Variants in LRP1B observed in about 807,000 individuals in gnomAD.
LRP1B encodes LDL receptor related protein 1B.
Under a neutral mutation model 556.6 loss-of-function variants are expected in LRP1B, and 217 were observed. The observed-to-expected ratio is 0.39, with a 90% CI of 0.35 to 0.44. LRP1B has a LOEUF of 0.44. LRP1B is among the 20% of genes least tolerant of loss of function. The pLI, the probability that LRP1B is intolerant of heterozygous loss-of-function variation, is 1.00. For missense variants in LRP1B, 5,053 were observed against 5,620.8 expected (o/e 0.90, Z 3.23); for synonymous variants, 2,047 against 1,865.8 (o/e 1.10, Z -2.50).
At chr2:142,081,929 G>A (rs912865721) in intron 1 of LRP1B, among the ~76,000 whole-genome samples, 3 of 152,158 alleles carry the variant, frequency 2.0e-5, no homozygotes, top group African/African-American at 7.2e-5. Flanking sequence ...ACCTGGAAAA[G>A]GTTAAGTAAC....
intron 41 of LRP1B, among the ~76,000 whole-genome samples, chr2:140,692,232 T>C (rs1209047489): frequency 6.6e-6 from 1 of 152,170 alleles, no homozygotes; most frequent in Non-Finnish European, 1.5e-5. Context: ...TAGTTTTCAA[T>C]ATCACATCAA....
chr2:140,613,272 T>C (rs1683131470), intron 41 of LRP1B, among the ~76,000 whole-genome samples: 1 of 144,144 alleles, frequency 6.9e-6, no homozygotes, highest in Non-Finnish European at 1.5e-5. Flanking sequence ...TTATATATAA[T>C]TATATACAAG....
chr2:140,620,329 A>C (rs1683406179), intron 41 of LRP1B, among the ~76,000 whole-genome samples: 1 of 152,190 alleles, frequency 6.6e-6, no homozygotes. Context: ...ATTAAGTTGA[A>C]ATTTGCTTAG....
In LRP1B at chr2:140,926,043, A is replaced by G. The variant is rs533929450; in HGVS notation, c.3137-2896T>C. Among the ~76,000 whole-genome samples the G allele has an allele frequency of 2.4e-4, 33 of 139,120 alleles. No homozygotes were observed. In the East Asian group the frequency reaches 7.0e-3, roughly 30 times the overall value. The allele number at this position is 139,120 out of a possible 152,430, so 91.3% of individuals were successfully genotyped here. On this transcript the variant is annotated intron_variant, in intron 20 of 90. Coordinates refer to ENST00000389484, the MANE Select transcript of LRP1B (RefSeq NM_018557.3). ...AAATTTAAATACAAATGTTATATTT[A>G]CCTGGAGATTTTCTTTTTTTTTTTT... is the stretch of plus-strand genomic sequence containing the variant.
chr2:141,815,335 A>G (rs1696501122), intron 1 of LRP1B, among the ~76,000 whole-genome samples: 1 of 152,180 alleles, frequency 6.6e-6, no homozygotes, highest in Non-Finnish European at 1.5e-5. Context: ...AGGTAGTGAG[A>G]GGTGAAGCCA....
chr2:141,014,703 G>T (rs1305322184), intron 13 of LRP1B, among the ~76,000 whole-genome samples: 1 of 151,876 alleles, frequency 6.6e-6, no homozygotes, highest in East Asian at 1.9e-4. Context: ...TCACCTTTAT[G>T]TAGGCCAAAA....
rs1559036590 is a variant in LRP1B, at chr2:140,657,600, T to TATACATATATACATACATATATAC, written c.6799+42649_6799+42650insGTATATATGTATGTATATATGTAT. 3.6e-4 allele frequency among the ~76,000 whole-genome samples: 39 copies of TATACATATATACATACATATATAC among 109,060 alleles called. 1 individual carries two copies. The highest frequency in any genetic ancestry group is 8.2e-4 in the Non-Finnish European group (38 of 46,336). 71.5% of individuals were successfully genotyped at this position (109,060 alleles called of 152,430 possible). A position where few individuals can be genotyped will look rare whatever the true frequency, so the allele number is the denominator to read the frequency against. ...ACATATATATACATACATACATATA[T>TATACATATATACATACATATATAC]ATACATATATATACATACATATATA... On this transcript the variant is annotated intron_variant, in intron 41 of 90. Transcript: ENST00000389484.
chr2:140,444,257 G>T, intron 65 of LRP1B, 73 bp downstream of exon 65: 1 of 1,515,434 alleles, frequency 6.6e-7, no homozygotes, highest in Non-Finnish European at 9.1e-7. Flanking sequence ...AATTTATGAA[G>T]TATAGTACTA....
chr2:141,877,086 G>T (rs1351568982), intron 1 of LRP1B, among the ~76,000 whole-genome samples: 1 of 151,932 alleles, frequency 6.6e-6, no homozygotes, highest in African/African-American at 2.4e-5. Flanking sequence ...TGTTGCACAA[G>T]CATTAAAGTT....
chr2:140,659,764 A>C (rs1685026119), intron 41 of LRP1B, among the ~76,000 whole-genome samples: 1 of 152,104 alleles, frequency 6.6e-6, no homozygotes, highest in African/African-American at 2.4e-5. Flanking sequence ...AAAATGCATG[A>C]TCAAAGCCAA....
Position 141,761,359 on chromosome 2 carries a change from C to CA in LRP1B, c.205+48919dup, listed in dbSNP as rs11355588. On this transcript the variant is annotated intron_variant, in intron 2 of 90. Coordinates refer to ENST00000389484, the MANE Select transcript of LRP1B (RefSeq NM_018557.3). The stretch of plus-strand genomic sequence containing the variant: ...GAATTTTCCCTCAGCAATCCTAAGT[C>CA]AAAAAAAAAAAATACATTGAAGTCT... 1.9e-3 allele frequency among the ~76,000 whole-genome samples: 280 copies of CA among 148,340 alleles called. 1 individual carries two copies. Among genetic ancestry groups the CA allele is most frequent in the East Asian group, 5.7e-3 (29 of 5,070 alleles).
At chr2:141,201,310 G>A (rs6731114) in intron 6 of LRP1B, among the ~76,000 whole-genome samples, 120,436 of 152,108 alleles carry the variant, frequency 0.79, 48,585 homozygotes, top group Non-Finnish European at 0.86. Context: ...CCACTTATGC[G>A]TTAAAACTGC....
intron 2 of LRP1B, among the ~76,000 whole-genome samples, chr2:141,678,121 A>G (rs1029836526): frequency 6.6e-6 from 1 of 152,222 alleles, no homozygotes; most frequent in African/African-American, 2.4e-5. Flanking sequence ...TGAGAAATCC[A>G]AGTGAACACA....
intron 2 of LRP1B, among the ~76,000 whole-genome samples, chr2:141,563,976 T>C (rs1398843497): frequency 6.6e-6 from 1 of 151,920 alleles, no homozygotes; most frequent in African/African-American, 2.4e-5. Flanking sequence ...ACACAACATA[T>C]CCACGTAACA....
intron 16 of LRP1B, among the ~76,000 whole-genome samples, chr2:140,992,348 A>C (rs1697118004): frequency 6.6e-6 from 1 of 152,106 alleles, no homozygotes; most frequent in African/African-American, 2.4e-5. Context: ...GTACAAATGC[A>C]ATGCTTCTTC....
intron 3 of LRP1B, among the ~76,000 whole-genome samples, chr2:141,430,302 A>G (rs1680516489): frequency 6.6e-6 from 1 of 152,170 alleles, no homozygotes; most frequent in South Asian, 2.1e-4. Context: ...AAAAGGCTCA[A>G]TTTTTAATTA....
At chr2:140,601,937 TAATC>T (rs1682689833) in intron 41 of LRP1B, among the ~76,000 whole-genome samples, 1 of 152,116 alleles carries the variant, frequency 6.6e-6, no homozygotes, top group Admixed American at 6.6e-5. Flanking sequence ...TCTTGTATCT[TAATC>T]AATTTTCAAA....
At chr2:141,239,596 T>G (rs1280735820) in intron 5 of LRP1B, among the ~76,000 whole-genome samples, 1 of 152,106 alleles carries the variant, frequency 6.6e-6, no homozygotes, top group Non-Finnish European at 1.5e-5. Context: ...TCTGTATATA[T>G]TTGCAGGATT....
At chr2:142,125,228 CAG>C (rs1707599936) in intron 1 of LRP1B, among the ~76,000 whole-genome samples, 1 of 151,508 alleles carries the variant, frequency 6.6e-6, no homozygotes, top group Non-Finnish European at 1.5e-5. Context: ...AGAAGACAAA[CAG>C]AAAAAAAACA....
Sources: allele counts gnomAD v4.1 joint callset (sites outside exome capture counted in the v4.1 genomes callset), GRCh38; gene constraint gnomAD v4.1.1; transcripts MANE v1.5; gene names NCBI Gene and HGNC (gene_info 2026-07-23, HGNC 2026-07-21).